Variants in DNAH14 observed in about 807,000 individuals in gnomAD.
DNAH14 encodes dynein axonemal heavy chain 14.
A neutral mutation model predicts 520.9 loss-of-function variants in DNAH14; 478 were observed. That is an observed-to-expected ratio of 0.92 (90% confidence interval 0.85 to 0.99). The LOEUF is 0.99. DNAH14 is among the 50% of genes least tolerant of loss of function. The pLI, the probability that DNAH14 is intolerant of heterozygous loss-of-function variation, is 0.00. For missense variants in DNAH14, 4,831 were observed against 5,234.5 expected, an observed-to-expected ratio of 0.92 and a Z score of 2.38; for synonymous variants, 1,581 against 1,757.2, an observed-to-expected ratio of 0.90 and a Z score of 2.51.
At chr1:225,033,096 T>C (rs2066663481) in intron 11 of DNAH14, among the ~76,000 whole-genome samples, 5 of 152,336 alleles carry the variant, frequency 3.3e-5, no homozygotes, top group Admixed American at 3.3e-4. Context: ...ATCCTGTTTG[T>C]CAATTTTTGC....
Position 225,080,720 on chromosome 1 carries a change from G to T in DNAH14, c.3108G>T (p.Leu1036=). 6.5e-7 allele frequency: 1 copy of T among 1,532,246 alleles called. No individual in the cohort carries two copies. Among genetic ancestry groups the T allele is most frequent in the South Asian group, 1.2e-5 (1 of 80,180 alleles). 94.9% of individuals were successfully genotyped at this position (1,532,246 alleles called of 1,614,324 possible). A position where few individuals can be genotyped will look rare whatever the true frequency, so the allele number is the denominator to read the frequency against. Residue 1036 remains leucine, a synonymous_variant, in exon 19 of 86, where the codon CTG becomes CTT. Transcript: ENST00000682510. ...VESVQRNVSK[L]MHIISVLEKG... ...CAGTACAGAGAAATGTTTCAAAACT[G>T]ATGCACATAATCTCGGTACTAGAAA...
At position 224,978,100 on chromosome 1, in the gene DNAH14, C is replaced by T. The variant is rs144423255; in HGVS notation, c.830+3947C>T. Among the ~76,000 whole-genome samples, 59 of 152,190 alleles carry T rather than the reference C, an allele frequency of 3.9e-4. 1 individual carries two copies. In the South Asian group the frequency reaches 8.3e-3, roughly 21 times the overall value. On this transcript the variant is annotated intron_variant, in intron 8 of 85. Coordinates refer to ENST00000682510, the MANE Select transcript of DNAH14 (RefSeq NM_001367479.1). The stretch of plus-strand genomic sequence containing the variant: ...AGCACAACCATATGGAAAAACAGTA[C>T]GGAGGTTTCTCAAAAAACTAAAAAT...
chr1:225,214,536 C>T (rs1425308587), intron 41 of DNAH14, among the ~76,000 whole-genome samples: 2 of 152,190 alleles, frequency 1.3e-5, no homozygotes, highest in African/African-American at 2.4e-5. Flanking sequence ...CCATCTGCTG[C>T]TAGACTTTTT....
At chr1:224,951,853 G>A (rs536439616) in intron 1 of DNAH14, among the ~76,000 whole-genome samples, 5 of 151,778 alleles carry the variant, frequency 3.3e-5, no homozygotes, top group East Asian at 1.9e-4. Context: ...GGGTTTCACC[G>A]TGGTCTCAAT....
At position 225,079,390 on chromosome 1, in the gene DNAH14, A is replaced by C. The variant is rs765717906; in HGVS notation, c.2608A>C (p.Ile870Leu). 9.7e-6 allele frequency: 15 copies of C among 1,550,696 alleles called. No individual in the cohort carries two copies. Among genetic ancestry groups the C allele is most frequent in the Middle Eastern group, 1.7e-4 (1 of 6,006 alleles). Residue 870 changes from isoleucine (I) to leucine (L), a missense_variant, in exon 18 of 86, where the codon ATT becomes CTT. Transcript: ENST00000682510. Reference sequence around the variant, plus strand: ...CCAGATCCATATTTCAGAAGAGCAAATTGCCATATTCCAAGTTCTTCTTCT... The same window carrying C: ...CCAGATCCATATTTCAGAAGAGCAACTTGCCATATTCCAAGTTCTTCTTCT... Reference protein sequence around the residue: ...HHQIHISEEQIAIFQVLLLKF... With the variant: ...HHQIHISEEQLAIFQVLLLKF...
intron 77 of DNAH14, among the ~76,000 whole-genome samples, chr1:225,369,466 C>T (rs2095591244): frequency 7.6e-6 from 1 of 131,202 alleles, no homozygotes. Flanking sequence ...CTTCAGACAA[C>T]AGCATATTGT....
At chr1:225,106,689 G>A (rs2148787390) in intron 23 of DNAH14, among the ~76,000 whole-genome samples, 1 of 152,262 alleles carries the variant, frequency 6.6e-6, no homozygotes, top group East Asian at 1.9e-4. Flanking sequence ...TGAGGCTTGT[G>A]CATTCGTCAC....
chr1:224,977,928 C>T (rs1253802452), intron 8 of DNAH14, among the ~76,000 whole-genome samples: 1 of 144,172 alleles, frequency 6.9e-6, no homozygotes, highest in Admixed American at 6.9e-5. Context: ...GCCCAACATC[C>T]CCAATCAGGG....
rs74968234 is a variant in DNAH14, at chr1:225,232,322, G to A, written c.6518+1171G>A. Among the ~76,000 whole-genome samples the A allele has an allele frequency of 0.049, 7,454 of 150,994 alleles. 289 individuals carry two copies. The highest frequency in any genetic ancestry group is 0.073 in the Non-Finnish European group (4,962 of 67,828). ...ACACGTGTATCACAGGTTATTTATC[G>A]ATTGGTAAACATTTAGATTTTCAAT... On this transcript the variant is annotated intron_variant, in intron 42 of 85. Transcript: ENST00000682510. This position sits in a 1 kb window ranked among gnomAD's most constrained non-coding sequence, Gnocchi z 4.2.
At chr1:225,308,075 C>A (rs141098291) in intron 59 of DNAH14, among the ~76,000 whole-genome samples, 1 of 152,186 alleles carries the variant, frequency 6.6e-6, no homozygotes, top group Non-Finnish European at 1.5e-5. Flanking sequence ...TAAGAGGAGG[C>A]GCAGCTGAGA....
At chr1:225,373,337 C>T (rs982962329) in intron 77 of DNAH14, among the ~76,000 whole-genome samples, 11 of 152,002 alleles carry the variant, frequency 7.2e-5, no homozygotes, top group Non-Finnish European at 1.3e-4. Context: ...TGGTGGTGCG[C>T]GCCTGTAGTC....
intron 7 of DNAH14, among the ~76,000 whole-genome samples, chr1:224,972,801 T>A (rs976302678): frequency 2.0e-5 from 3 of 152,144 alleles, no homozygotes; most frequent in African/African-American, 7.2e-5. Flanking sequence ...TTTTCTTAGA[T>A]CACTATATTA....
chr1:225,350,794 A>T (rs947888725), intron 71 of DNAH14, among the ~76,000 whole-genome samples: 4 of 152,150 alleles, frequency 2.6e-5, no homozygotes, highest in African/African-American at 9.7e-5. Context: ...AGATGGCTTC[A>T]TTGAATTCTA....
At chr1:225,007,127 C>T (rs1418291126) in intron 9 of DNAH14, among the ~76,000 whole-genome samples, 1 of 152,178 alleles carries the variant, frequency 6.6e-6, no homozygotes, top group Non-Finnish European at 1.5e-5. Flanking sequence ...TTGGTGGATT[C>T]TCTGCATGCA....
intron 8 of DNAH14, among the ~76,000 whole-genome samples, chr1:224,979,395 C>A (rs1165763380): frequency 1.3e-5 from 2 of 152,158 alleles, no homozygotes; most frequent in Admixed American, 1.3e-4. Context: ...GAAATCAAAA[C>A]CCAGCCGAAC....
At chr1:225,318,756 T>C (rs1191330588) in intron 61 of DNAH14, 79 bp downstream of exon 61, 8 of 1,327,784 alleles carry the variant, frequency 6.0e-6, no homozygotes, top group Non-Finnish European at 8.2e-6. Flanking sequence ...CTATATTCCA[T>C]TTTTAGCCTA....
chr1:225,056,812 G>A (rs544642847), intron 17 of DNAH14, among the ~76,000 whole-genome samples: 1 of 152,036 alleles, frequency 6.6e-6, no homozygotes, highest in Non-Finnish European at 1.5e-5. Flanking sequence ...TCTTGTTTTT[G>A]TCAGGTTTGT....
chr1:225,390,610 A>G (rs1352595825), intron 83 of DNAH14, among the ~76,000 whole-genome samples: 1 of 152,218 alleles, frequency 6.6e-6, no homozygotes, highest in African/African-American at 2.4e-5. Context: ...ACTAAGAACC[A>G]GGCAAGCCCG....
intron 5 of DNAH14, among the ~76,000 whole-genome samples, chr1:224,964,870 A>T (rs1363626245): frequency 1.3e-5 from 2 of 152,140 alleles, no homozygotes; most frequent in African/African-American, 4.8e-5. Context: ...ACTTTCTCTG[A>T]GTGAGTCCCC....
Sources: allele counts gnomAD v4.1 joint callset (sites outside exome capture counted in the v4.1 genomes callset), GRCh38; gene constraint gnomAD v4.1.1; non-coding constraint Gnocchi (gnomAD v3.1); transcripts MANE v1.5; gene names NCBI Gene and HGNC (gene_info 2026-07-23, HGNC 2026-07-21).